Variants in ATP8B1 observed in about 807,000 individuals in gnomAD.
ATP8B1 encodes ATPase phospholipid transporting 8B1, also known as phospholipid-transporting ATPase IC.
Under a neutral mutation model 149.9 loss-of-function variants are expected in ATP8B1, and 80 were observed. The ratio of observed to expected loss-of-function variants is 0.53; its 90% CI spans 0.45 to 0.64. The LOEUF is 0.64. Ranked by LOEUF, ATP8B1 falls within the 30% of genes least tolerant of loss-of-function variation. ATP8B1 has a pLI of 0.00. For synonymous variants in ATP8B1, 536 were observed against 562.8 expected (o/e 0.95, Z 0.67); for missense variants, 1,247 against 1,552.6 (o/e 0.80, Z 3.31).
chr18:57,699,326 C>A (rs770514631), intron 6 of ATP8B1, among the ~76,000 whole-genome samples: 1 of 152,106 alleles, frequency 6.6e-6, no homozygotes, highest in African/African-American at 2.4e-5. Context: ...GACAAAATCA[C>A]AACAATTTAA....
At chr18:57,755,960 C>T (rs1044346769) in intron 1 of ATP8B1, among the ~76,000 whole-genome samples, 1 of 151,984 alleles carries the variant, frequency 6.6e-6, no homozygotes, top group African/African-American at 2.4e-5. Context: ...CATTATCCCC[C>T]TTTACCCCTA....
Position 57,647,653 on chromosome 18 carries a change from G to GTAAT in ATP8B1, c.*831_*834dup, listed in dbSNP as rs1487372986. 8 of 152,602 alleles carry GTAAT rather than the reference G, an allele frequency of 5.2e-5. No homozygotes were observed. Among genetic ancestry groups the GTAAT allele is most frequent in the Non-Finnish European group, 1.2e-4 (8 of 68,032 alleles). 9.5% of individuals were successfully genotyped at this position (152,602 alleles called of 1,614,324 possible). ...TTTGAACTGAAATACAACATGCTTT[G>GTAAT]TAATTCTATTGCCCTGGATTGAGAC... On this transcript the variant is annotated 3_prime_UTR_variant, in exon 28 of 28. Transcript: ENST00000648908.
intron 1 of ATP8B1, among the ~76,000 whole-genome samples, chr18:57,800,328 C>CTATG (rs1348902635): frequency 6.6e-6 from 1 of 152,096 alleles, no homozygotes; most frequent in South Asian, 2.1e-4. Flanking sequence ...GGCCCTGTCT[C>CTATG]TATGTATTTT....
At chr18:57,742,072 G>T (rs1390667103) in intron 1 of ATP8B1, among the ~76,000 whole-genome samples, 1 of 152,088 alleles carries the variant, frequency 6.6e-6, no homozygotes, top group Admixed American at 6.6e-5. Context: ...GTTTTACCTT[G>T]TTGGCCAGGC....
intron 15 of ATP8B1, among the ~76,000 whole-genome samples, chr18:57,678,037 G>C (rs1464004775): frequency 6.6e-6 from 1 of 152,120 alleles, no homozygotes; most frequent in African/African-American, 2.4e-5. Flanking sequence ...CAGTGACTTG[G>C]TCCAAATTCC....
In ATP8B1 at chr18:57,671,409, A is replaced by C. The variant is rs528037932; in HGVS notation, c.1932+59T>G. ...CATACAGCTTTCATGCAAACTTAACAGACAGCATCAGAGAGTAAGTTCAGA... is the reference window on the plus strand; with the variant it reads ...CATACAGCTTTCATGCAAACTTAACCGACAGCATCAGAGAGTAAGTTCAGA... On this transcript the variant is annotated intron_variant, in intron 17 of 27. Transcript: ENST00000648908. 2.1e-4 allele frequency: 293 copies of C among 1,378,414 alleles called. No homozygotes were observed. In the African/African-American group the frequency reaches 3.3e-3, roughly 16 times the overall value. 85.4% of individuals were successfully genotyped at this position (1,378,414 alleles called of 1,614,324 possible). A position where few individuals can be genotyped will look rare whatever the true frequency, so the allele number is the denominator to read the frequency against.
intron 15 of ATP8B1, among the ~76,000 whole-genome samples, chr18:57,681,398 G>A (rs184849147): frequency 1.8e-4 from 27 of 152,270 alleles, no homozygotes; most frequent in Middle Eastern, 6.8e-3. Flanking sequence ...GATGCTGAGC[G>A]GTGAACCCAG....
At chr18:57,683,080 C>A (rs200954937) in intron 15 of ATP8B1, among the ~76,000 whole-genome samples, 2 of 152,096 alleles carry the variant, frequency 1.3e-5, no homozygotes, top group Non-Finnish European at 2.9e-5. Flanking sequence ...CCATTCACCT[C>A]GACCTTCCAA....
At chr18:57,696,948 A>C (rs1357294785) in intron 8 of ATP8B1, among the ~76,000 whole-genome samples, 4 of 152,152 alleles carry the variant, frequency 2.6e-5, no homozygotes, top group Non-Finnish European at 5.9e-5. Context: ...AACCAAAACC[A>C]ACACAAGGAG....
intron 22 of ATP8B1, among the ~76,000 whole-genome samples, chr18:57,657,092 C>T (rs1471700915): frequency 2.0e-5 from 3 of 152,098 alleles, no homozygotes; most frequent in African/African-American, 7.2e-5. Context: ...GACCCATCCT[C>T]TAGGTTCCCT....
intron 1 of ATP8B1, among the ~76,000 whole-genome samples, chr18:57,776,957 T>C (rs2080310540): frequency 6.6e-6 from 1 of 151,870 alleles, no homozygotes; most frequent in Admixed American, 6.6e-5. Flanking sequence ...ATCTGTTATC[T>C]TCCTTTCCAA....
intron 1 of ATP8B1, among the ~76,000 whole-genome samples, chr18:57,750,325 CACA>C (rs1468792984): frequency 6.6e-6 from 1 of 152,192 alleles, no homozygotes; most frequent in African/African-American, 2.4e-5. Flanking sequence ...CTGCACACTG[CACA>C]ACTCAAAGAA....
intron 1 of ATP8B1, among the ~76,000 whole-genome samples, chr18:57,778,491 A>T (rs965218422): frequency 1.3e-5 from 2 of 151,782 alleles, no homozygotes; most frequent in African/African-American, 4.8e-5. Context: ...CGCCCTCCCA[A>T]AGTGCTGGGA....
At chr18:57,794,232 G>A (rs2080489419) in intron 1 of ATP8B1, among the ~76,000 whole-genome samples, 1 of 152,098 alleles carries the variant, frequency 6.6e-6, no homozygotes, top group African/African-American at 2.4e-5. Flanking sequence ...AGGGCACAGT[G>A]TGAGTATAAA....
intron 22 of ATP8B1, among the ~76,000 whole-genome samples, chr18:57,657,199 T>C (rs995611443): frequency 6.6e-6 from 1 of 152,142 alleles, no homozygotes; most frequent in South Asian, 2.1e-4. Context: ...CAAGAAACTA[T>C]TAAACTTTCA....
intron 24 of ATP8B1, among the ~76,000 whole-genome samples, chr18:57,653,029 T>TG (rs1909730752): frequency 6.6e-6 from 1 of 152,172 alleles, no homozygotes; most frequent in Admixed American, 6.5e-5. Flanking sequence ...AGGCTACTGT[T>TG]TTTACCTCCT....
At chr18:57,737,277 T>A (rs200280429) in intron 1 of ATP8B1, among the ~76,000 whole-genome samples, 8 of 144,176 alleles carry the variant, frequency 5.5e-5, no homozygotes, top group Non-Finnish European at 1.1e-4. Context: ...ATTTTTTTTT[T>A]AATTTCTTAA....
intron 13 of ATP8B1, among the ~76,000 whole-genome samples, chr18:57,687,297 TG>T (rs902308394): frequency 4.9e-4 from 75 of 152,358 alleles, no homozygotes; most frequent in African/African-American, 1.6e-3. Flanking sequence ...TCTATAAATC[TG>T]ATTATTCTAA....
At chr18:57,736,646 C>T (rs1183809505) in intron 1 of ATP8B1, among the ~76,000 whole-genome samples, 2 of 128,896 alleles carry the variant, frequency 1.6e-5, no homozygotes, top group African/African-American at 5.9e-5. Flanking sequence ...TTTTTTGTAG[C>T]GATGGGATCT....
Sources: allele counts gnomAD v4.1 joint callset (sites outside exome capture counted in the v4.1 genomes callset), GRCh38; gene constraint gnomAD v4.1.1; transcripts MANE v1.5; gene names NCBI Gene and HGNC (gene_info 2026-07-23, HGNC 2026-07-21).